The following CFLAR variants were observed in gnomAD, a reference collection of about 807,000 sequenced individuals.
CFLAR encodes the protein CASP8 and FADD like apoptosis regulator, also known as CASP8 and FADD-like apoptosis regulator.
Under a neutral mutation model 51.1 loss-of-function variants are expected in CFLAR, and 14 were observed. That is an observed-to-expected ratio of 0.27 (90% CI 0.18 to 0.43). The LOEUF is 0.43. Among genes scored for constraint, CFLAR ranks in the 20% least tolerant of loss-of-function variants. The pLI, the probability that CFLAR is intolerant of heterozygous loss-of-function variation, is 1.00. For missense variants in CFLAR, 390 were observed against 566.5 expected (o/e 0.69, Z 3.16); for synonymous variants, 210 against 211.6 (o/e 0.99, Z 0.06).
chr2:201,146,980 A>G (rs1288812505), intron 6 of CFLAR, among the ~76,000 whole-genome samples: 1 of 152,218 alleles, frequency 6.6e-6, no homozygotes, highest in Non-Finnish European at 1.5e-5. Context: ...AAATGATAGC[A>G]TGTTTCTTAA....
At chr2:201,145,226 C>G in intron 5 of CFLAR, 152 bp from the exon 6 acceptor site, 1 of 524,880 alleles carries the variant, frequency 1.9e-6, no homozygotes, top group Non-Finnish European at 3.5e-6. Context: ...GTTAACAGCT[C>G]TTGCTATTCT....
chr2:201,161,906 C>T (rs1943080405), intron 9 of CFLAR, among the ~76,000 whole-genome samples: 1 of 151,796 alleles, frequency 6.6e-6, no homozygotes, highest in Non-Finnish European at 1.5e-5. Context: ...GCCATCACAC[C>T]TGGCTAATTT....
At chr2:201,132,434 T>A (rs771863965) in intron 2 of CFLAR, among the ~76,000 whole-genome samples, 2,001 of 146,116 alleles carry the variant, frequency 0.014, 19 homozygotes, top group Non-Finnish European at 0.017. Flanking sequence ...GGGAAAAATA[T>A]ATATATATAT....
At chr2:201,152,196 T>C (rs892125610) in intron 8 of CFLAR, among the ~76,000 whole-genome samples, 2 of 152,174 alleles carry the variant, frequency 1.3e-5, no homozygotes, top group African/African-American at 4.8e-5. Flanking sequence ...GGTTTCACCA[T>C]GTTGGCCAGG....
At position 201,173,917 on chromosome 2, in the gene CFLAR, C is replaced by T. The variant is rs1051867224; in HGVS notation, c.*9944C>T. Reference sequence around the variant, plus strand: ...GAACTCCTGAACTCAGGTGATCTGCCTGCCTCGGCCTCCCAAAATGCTAGG... The same window carrying T: ...GAACTCCTGAACTCAGGTGATCTGCTTGCCTCGGCCTCCCAAAATGCTAGG... On this transcript the variant is annotated 3_prime_UTR_variant, in exon 10 of 10. Transcript: ENST00000309955. 15 of 152,256 alleles carry T rather than the reference C, an allele frequency of 9.9e-5. No individual in the cohort carries two copies. Among genetic ancestry groups the T allele is most frequent in the African/African-American group, 2.7e-4 (11 of 41,456 alleles). 9.4% of individuals were successfully genotyped at this position (152,256 alleles called of 1,614,324 possible).
intron 1 of CFLAR, chr2:201,122,373 A>G (rs2048271298): frequency 6.6e-6 from 1 of 152,258 alleles, no homozygotes; most frequent in South Asian, 2.1e-4. Flanking sequence ...TGGATCCAAC[A>G]ACCAGATTCC....
chr2:201,174,099 A>G lies in CFLAR; in HGVS notation c.*10126A>G, dbSNP rs1244872015. 6.6e-6 allele frequency: 1 copy of G among 152,232 alleles called. No homozygotes were observed. Among genetic ancestry groups the G allele is most frequent in the Non-Finnish European group, 1.5e-5 (1 of 68,044 alleles). 9.4% of individuals were successfully genotyped at this position (152,232 alleles called of 1,614,324 possible). On this transcript the variant is annotated 3_prime_UTR_variant, in exon 10 of 10. Coordinates refer to ENST00000309955, the MANE Select transcript of CFLAR (RefSeq NM_003879.7). ...ATTGTCTTCTCACTTTCTGGATACT[A>G]TACAGTACAAGTTTTAAATTTTGAT...
chr2:201,173,272 A>G lies in CFLAR; in HGVS notation c.*9299A>G, dbSNP rs527862767. On this transcript the variant is annotated 3_prime_UTR_variant, in exon 10 of 10. Coordinates refer to ENST00000309955, the MANE Select transcript of CFLAR (RefSeq NM_003879.7). ...GCCCAGGCTGGAGTGCAGTGGTGCA[A>G]TCTCAGCTCACTGCAAGCTCCGCCT... The G allele has an allele frequency of 6.6e-5, 10 of 152,338 alleles. No individual in the cohort carries two copies. The South Asian group carries it at 1.2e-3, about 19-fold the overall frequency. 9.4% of individuals were successfully genotyped at this position (152,338 alleles called of 1,614,324 possible).
At chr2:201,132,176 C>T (rs927231757) in intron 2 of CFLAR, among the ~76,000 whole-genome samples, 6 of 151,814 alleles carry the variant, frequency 4.0e-5, no homozygotes, top group African/African-American at 1.5e-4. Flanking sequence ...GGAAGGGTTG[C>T]GGGGGCAGTT....
intron 4 of CFLAR, chr2:201,139,718 A>G (rs1938026779): frequency 1.3e-5 from 2 of 152,850 alleles, no homozygotes; most frequent in African/African-American, 2.4e-5. Flanking sequence ...TCACGTGTTT[A>G]TCTGCTGACC....
In CFLAR at chr2:201,138,550, C is replaced by G. The variant is rs1386681731; in HGVS notation, c.524-1807C>G. The G allele has an allele frequency of 1.1e-5, 18 of 1,591,294 alleles. No individual in the cohort carries two copies. Among genetic ancestry groups the G allele is most frequent in the Middle Eastern group, 2.3e-4 (1 of 4,444 alleles). On this transcript the variant is annotated intron_variant, in intron 4 of 9. Coordinates refer to ENST00000309955, the MANE Select transcript of CFLAR (RefSeq NM_003879.7). The surrounding 1 kb of genome is among the most constrained non-coding windows in gnomAD (Gnocchi z 4.0). ...ACCTCACTGAGGAGGGTGGTGTGGT[C>G]CTTCTCAGCAAGAAAGTCGATGTCT...
rs756433587 is a variant in CFLAR, at chr2:201,172,189, A to G, written c.*8216A>G. ...CACTTTACCTGATGAAGAGCCTGGC[A>G]TACACATAAATATATATTGAATGAA... On this transcript the variant is annotated 3_prime_UTR_variant, in exon 10 of 10. Coordinates refer to ENST00000309955, the MANE Select transcript of CFLAR (RefSeq NM_003879.7). The G allele has an allele frequency of 1.4e-4, 21 of 152,226 alleles. No homozygotes were observed. The highest frequency in any genetic ancestry group is 1.3e-3 in the Admixed American group (20 of 15,278). 9.4% of individuals were successfully genotyped at this position (152,226 alleles called of 1,614,324 possible). A position where few individuals can be genotyped will look rare whatever the true frequency, so the allele number is the denominator to read the frequency against.
Position 201,118,389 on chromosome 2 carries a change from TG to T in CFLAR, c.-138+1912del, listed in dbSNP as rs1299475116. 1.3e-5 allele frequency: 2 copies of T among 152,202 alleles called. No individual in the cohort carries two copies. Among genetic ancestry groups the T allele is most frequent in the Non-Finnish European group, 2.9e-5 (2 of 68,064 alleles). 9.4% of individuals were successfully genotyped at this position (152,202 alleles called of 1,614,324 possible). ...GTGTGCAGTTTTTTGAGCCTTGGGC[TG>T]GGGACCTCCAGGAAGCTGAAGCGGA... On this transcript the variant is annotated intron_variant, in intron 1 of 9. Coordinates refer to ENST00000309955, the MANE Select transcript of CFLAR (RefSeq NM_003879.7). This position sits in a 1 kb window ranked among gnomAD's most constrained non-coding sequence, Gnocchi z 5.1.
chr2:201,136,675 C>T (rs2050174856), intron 4 of CFLAR: 1 of 966,740 alleles, frequency 1.0e-6, no homozygotes. Context: ...TCACTGCCAC[C>T]ATAGCATCAC....
chr2:201,130,608 C>T (rs1488992608), intron 2 of CFLAR, among the ~76,000 whole-genome samples: 2 of 151,974 alleles, frequency 1.3e-5, no homozygotes, highest in East Asian at 3.9e-4. Context: ...TCAAGTGATC[C>T]ACCTGCCTTG....
chr2:201,122,999 T>TA (rs1255635998), intron 1 of CFLAR, among the ~76,000 whole-genome samples: 1 of 152,194 alleles, frequency 6.6e-6, no homozygotes, highest in African/African-American at 2.4e-5. Context: ...GCCCGTTAGT[T>TA]ACAGTGGGCA....
At chr2:201,154,599 T>A (rs1385533785) in intron 8 of CFLAR, 1 of 152,268 alleles carries the variant, frequency 6.6e-6, no homozygotes, top group African/African-American at 2.4e-5. Context: ...ATGTAGGTGT[T>A]CAATAAATAA....
rs35731279 is a variant in CFLAR at position 201,164,278 on chromosome 2, TA to T, written c.*320del. ...GCAATATAGCAAGATCCCATCTCTT[TA>T]AAAAAAAAAAAAAAGGACAGGAACT... is the stretch of plus-strand genomic sequence containing the variant. On this transcript the variant is annotated 3_prime_UTR_variant, in exon 10 of 10. Coordinates refer to ENST00000309955, the MANE Select transcript of CFLAR (RefSeq NM_003879.7). 0.012 allele frequency: 1,850 copies of T among 153,340 alleles called. No individual in the cohort carries two copies. The highest frequency in any genetic ancestry group is 0.043 in the South Asian group (251 of 5,862). The allele number at this position is 153,340 out of a possible 1,614,324, so 9.5% of individuals were successfully genotyped here. A position where few individuals can be genotyped will look rare whatever the true frequency, so the allele number is the denominator to read the frequency against.
chr2:201,145,204 G>A (rs1396571676), intron 5 of CFLAR, among the ~76,000 whole-genome samples, 174 bp from the exon 6 acceptor site: 1 of 152,086 alleles, frequency 6.6e-6, no homozygotes, highest in East Asian at 1.9e-4. Flanking sequence ...AATATGATAC[G>A]GGATTTATGG....
Sources: gnomAD v4.1 joint callset for allele counts (sites outside exome capture counted in the v4.1 genomes callset) on GRCh38, gnomAD v4.1.1 for gene constraint, Gnocchi (gnomAD v3.1) non-coding constraint, MANE v1.5 for transcripts, NCBI Gene and HGNC (gene_info 2026-07-23, HGNC 2026-07-21) for gene names.